The following STMN4 variants were observed in gnomAD, a reference collection of about 807,000 sequenced individuals.
STMN4 encodes the protein stathmin 4.
A neutral mutation model predicts 29.1 loss-of-function variants in STMN4; 12 were observed. The ratio of observed to expected loss-of-function variants is 0.41; its 90% CI spans 0.26 to 0.67. The LOEUF is 0.67. STMN4 is among the 30% of genes least tolerant of loss of function. The probability of loss-of-function intolerance (pLI) is 0.30; values close to 1 mark genes in which losing one functional copy is unlikely to be tolerated. For synonymous variants in STMN4, 114 were observed against 105.3 expected (o/e 1.08, Z -0.51); for missense variants, 181 against 262.8 (o/e 0.69, Z 2.15).
In STMN4 at chr8:27,235,463, TC is replaced by T. The variant is rs1801289844; in HGVS notation, c.*1382del. The stretch of plus-strand genomic sequence containing the variant: ...TGCAGGGGAAGGGAGGAGGAGAGCT[TC>T]TTTTCCAGCCATGGTTCAGTGTCCT... On this transcript the variant is annotated 3_prime_UTR_variant, in exon 7 of 7. Coordinates refer to ENST00000350889, the MANE Select transcript of STMN4 (RefSeq NM_030795.4). The T allele has an allele frequency of 6.6e-6, 1 of 152,360 alleles. No homozygotes were observed. The highest frequency in any genetic ancestry group is 1.5e-5 in the Non-Finnish European group (1 of 68,214). 9.4% of individuals were successfully genotyped at this position (152,360 alleles called of 1,614,324 possible).
chr8:27,236,950 C>CG (rs1211750566), intron 6 of STMN4, 45 bp from the exon 7 acceptor site: 6 of 1,575,914 alleles, frequency 3.8e-6, no homozygotes, highest in Admixed American at 3.8e-5. Context: ...CAAGGCTGCC[C>CG]GGGGACAAAA....
chr8:27,240,247 A>G (rs1303828148), intron 5 of STMN4, 85 bp from the exon 6 acceptor site: 1 of 1,426,856 alleles, frequency 7.0e-7, no homozygotes, highest in Non-Finnish European at 9.5e-7. Flanking sequence ...AAAGCTGCAC[A>G]CTCAGAACAC....
intron 1 of STMN4, among the ~76,000 whole-genome samples, chr8:27,247,670 G>A (rs2130117312): frequency 6.6e-6 from 1 of 152,292 alleles, no homozygotes; most frequent in East Asian, 1.9e-4. Flanking sequence ...AACCTCTCCT[G>A]GAACTGTCAA....
At chr8:27,241,971 T>A (rs1801488518) in intron 3 of STMN4, 7 of 607,146 alleles carry the variant, frequency 1.2e-5, no homozygotes, top group Non-Finnish European at 2.1e-5. Flanking sequence ...CAGAACCTCC[T>A]CTTCCCACCT....
chr8:27,240,995 T>C (rs748871534), intron 5 of STMN4, 59 bp downstream of exon 5: 81 of 1,540,520 alleles, frequency 5.3e-5, no homozygotes, highest in Non-Finnish European at 6.7e-5. Context: ...CCACCTGTCT[T>C]CTCCACCTCC....
chr8:27,256,183 G>C (rs970992761), intron 1 of STMN4, among the ~76,000 whole-genome samples: 4 of 152,142 alleles, frequency 2.6e-5, no homozygotes, highest in Admixed American at 6.5e-5. Flanking sequence ...AAGAATGTAG[G>C]ATGGGATTTT....
chr8:27,236,790 AC>A lies in STMN4; in HGVS notation c.*55del, dbSNP rs1801321602. 6.7e-7 allele frequency: 1 copy of A among 1,497,584 alleles called. No homozygotes were observed. Among genetic ancestry groups the A allele is most frequent in the Admixed American group, 2.3e-5 (1 of 43,546 alleles). 92.8% of individuals were successfully genotyped at this position (1,497,584 alleles called of 1,614,324 possible). ...CAGCCGGCGGGCGAGGCTGCCTGGA[AC>A]GTGGAGCTGCTGGAGCTGTCCGGCT... On this transcript the variant is annotated 3_prime_UTR_variant, in exon 7 of 7. Transcript: ENST00000350889.
At chr8:27,257,459 AACACACACACACACACACAC>A (rs59516183) in intron 1 of STMN4, among the ~76,000 whole-genome samples, 3 of 137,718 alleles carry the variant, frequency 2.2e-5, no homozygotes, top group Admixed American at 7.2e-5. Flanking sequence ...CCCCCATACA[AACACACACACACACACACAC>A]ACACACACAC....
chr8:27,239,901 C>A (rs1017820600), intron 6 of STMN4, 70 bp downstream of exon 6: 1 of 1,611,006 alleles, frequency 6.2e-7, no homozygotes, highest in Admixed American at 1.7e-5. Context: ...ATCAGCAGGT[C>A]CCCGCATACT....
chr8:27,257,888 C>T (rs11779435), intron 1 of STMN4, among the ~76,000 whole-genome samples: 9,271 of 151,904 alleles, frequency 0.061, 397 homozygotes, highest in Non-Finnish European at 0.09. Context: ...TGCATAGAGC[C>T]GAAGGAAAAG....
chr8:27,242,436 G>A lies in STMN4; in HGVS notation c.70C>T (p.Leu24=). 2 of 1,614,192 alleles carry A rather than the reference G, an allele frequency of 1.2e-6. No individual in the cohort carries two copies. Among genetic ancestry groups the A allele is most frequent in the Non-Finnish European group, 1.7e-6 (2 of 1,180,018 alleles). Residue 24 remains leucine (L), a synonymous_variant, in exon 3 of 7, where the codon CTG becomes TTG. Transcript: ENST00000350889. ...PLVSLFCSCF[L]ADPLNKSSYK... ...GACGACTTATTCAGGGGATCGGCCA[G>A]GAAGCAGGAGCAGAACAAGGACACC...
intron 1 of STMN4, among the ~76,000 whole-genome samples, chr8:27,246,332 T>C (rs1292569732): frequency 6.6e-6 from 1 of 152,202 alleles, no homozygotes; most frequent in Non-Finnish European, 1.5e-5. Context: ...TGGAGACCTC[T>C]CAGTGTTAAA....
chr8:27,242,104 G>A, intron 3 of STMN4: 2 of 560,400 alleles, frequency 3.6e-6, no homozygotes, highest in South Asian at 2.3e-5. Flanking sequence ...TATCTGTCTG[G>A]CTCACCTTTG....
At position 27,240,263 on chromosome 8, in the gene STMN4, T is replaced by C. The variant is rs575603608; in HGVS notation, c.400-101A>G. 3.8e-6 allele frequency: 5 copies of C among 1,307,296 alleles called. No homozygotes were observed. The East Asian group carries it at 1.2e-4, about 31-fold the overall frequency. The allele number at this position is 1,307,296 out of a possible 1,614,324, so 81.0% of individuals were successfully genotyped here. The stretch of plus-strand genomic sequence containing the variant: ...AAGCTGCACACTCAGAACACTCACC[T>C]CCCTGGGCCTGGTCCCCAGACCATT... On this transcript the variant is annotated intron_variant, in intron 5 of 6. Transcript: ENST00000350889.
intron 1 of STMN4, among the ~76,000 whole-genome samples, chr8:27,255,870 C>A (rs1215054159): frequency 6.6e-6 from 1 of 152,188 alleles, no homozygotes; most frequent in Admixed American, 6.5e-5. Context: ...CTTTCACCGT[C>A]CCTCCACCTC....
chr8:27,239,662 C>A, intron 6 of STMN4: 1 of 1,407,674 alleles, frequency 7.1e-7, no homozygotes, highest in Non-Finnish European at 9.3e-7. Context: ...TTGTCTATCT[C>A]TACTCCTTTG....
At chr8:27,242,218 C>T in intron 3 of STMN4, 179 bp downstream of exon 3, 2 of 644,974 alleles carry the variant, frequency 3.1e-6, no homozygotes, top group South Asian at 3.9e-5. Flanking sequence ...CCCCCTAGTG[C>T]CCAGGCTGGA....
intron 1 of STMN4, among the ~76,000 whole-genome samples, chr8:27,244,281 G>A (rs1487380432): frequency 3.3e-5 from 5 of 152,208 alleles, no homozygotes; most frequent in Non-Finnish European, 5.9e-5. Flanking sequence ...ATTGGACATA[G>A]GATGTTAACA....
intron 3 of STMN4, chr8:27,241,987 C>T (rs1202518667): frequency 8.3e-6 from 5 of 599,892 alleles, no homozygotes; most frequent in Non-Finnish European, 1.5e-5. Context: ...CACCTCTGGA[C>T]TCTCCCAGAG....
Sources: allele counts gnomAD v4.1 joint callset (sites outside exome capture counted in the v4.1 genomes callset), GRCh38; gene constraint gnomAD v4.1.1; transcripts MANE v1.5; gene names NCBI Gene and HGNC (gene_info 2026-07-23, HGNC 2026-07-21).